Variants in HSD17B3 observed in about 807,000 individuals in gnomAD.
HSD17B3 encodes the protein 17-beta-hydroxysteroid dehydrogenase type 3.
Under a neutral mutation model 41.1 loss-of-function variants are expected in HSD17B3, and 29 were observed. The observed-to-expected ratio is 0.71, with a 90% CI of 0.53 to 0.96. The LOEUF (loss-of-function observed/expected upper bound fraction) is 0.96. Among genes scored for constraint, HSD17B3 ranks in the 40% least tolerant of loss-of-function variants. The probability of loss-of-function intolerance (pLI) is 0.00; values close to 1 mark genes in which losing one functional copy is unlikely to be tolerated. For missense variants in HSD17B3, 323 were observed against 374.6 expected, an observed-to-expected ratio of 0.86 and a Z score of 1.14; for synonymous variants, 126 against 145.6, an observed-to-expected ratio of 0.87 and a Z score of 0.97.
At chr9:96,246,993 AAC>A (rs1836692509) in intron 6 of HSD17B3, among the ~76,000 whole-genome samples, 1 of 152,182 alleles carries the variant, frequency 6.6e-6, no homozygotes. Flanking sequence ...GGGGAAACCT[AAC>A]AAGACTCTGT....
chr9:96,259,422 AT>A (rs1825780787), intron 2 of HSD17B3, among the ~76,000 whole-genome samples: 1 of 152,188 alleles, frequency 6.6e-6, no homozygotes, highest in African/African-American at 2.4e-5. Flanking sequence ...AAGGGAATAC[AT>A]TCAAAAGTGT....
intron 5 of HSD17B3, chr9:96,250,397 G>A (rs1836848871): frequency 8.4e-6 from 9 of 1,069,364 alleles, no homozygotes; most frequent in Non-Finnish European, 1.0e-5. Flanking sequence ...GAGTTCAGGA[G>A]TTTGGTGAGG....
chr9:96,251,584 C>A, intron 4 of HSD17B3, 99 bp from the exon 5 acceptor site: 2 of 1,105,850 alleles, frequency 1.8e-6, no homozygotes, highest in Non-Finnish European at 2.7e-6. Context: ...GGTTGTTCAT[C>A]GCAGCATGAT....
Position 96,301,971 on chromosome 9 carries a change from C to T in HSD17B3, c.134G>A (p.Arg45Gln), listed in dbSNP as rs537079694. The T allele has an allele frequency of 1.1e-5, 18 of 1,614,040 alleles. No individual in the cohort carries two copies. The highest frequency in any genetic ancestry group is 1.1e-4 in the South Asian group (10 of 91,068). Residue 45 changes from arginine (R) to glutamine (Q), a missense_variant, in exon 1 of 11, where the codon CGG (arginine) becomes CAG (glutamine). Transcript: ENST00000375263. ...YWKVLPKSFL[R>Q]SMGQWAVITG... Reference sequence around the variant, plus strand: ...CTTACCTGCCCACTGTCCCATTGACCGCAAGAAAGACTTTGGCAAAACTTT... The same window carrying T: ...CTTACCTGCCCACTGTCCCATTGACTGCAAGAAAGACTTTGGCAAAACTTT...
chr9:96,298,509 C>G, intron 1 of HSD17B3, 47 bp from the exon 2 acceptor site: 1 of 1,534,362 alleles, frequency 6.5e-7, no homozygotes, highest in South Asian at 1.1e-5. Context: ...CATCTTTAAA[C>G]TTCTCTTTCT....
intron 2 of HSD17B3, among the ~76,000 whole-genome samples, chr9:96,267,196 G>A (rs535104231): frequency 1.2e-4 from 18 of 147,144 alleles, no homozygotes; most frequent in Admixed American, 3.4e-4. Flanking sequence ...TTGCTCTGTC[G>A]CCCAGGCTGG....
At chr9:96,249,483 A>G (rs958190192) in intron 6 of HSD17B3, 2 of 494,690 alleles carry the variant, frequency 4.0e-6, no homozygotes, top group South Asian at 6.4e-5. Context: ...AATACGTTTC[A>G]GCATCATCGA....
chr9:96,280,133 A>C (rs924961727), intron 2 of HSD17B3, among the ~76,000 whole-genome samples: 1 of 152,166 alleles, frequency 6.6e-6, no homozygotes, highest in African/African-American at 2.4e-5. Flanking sequence ...TGAATTCCAA[A>C]GGGAGGAGGC....
chr9:96,283,931 A>C (rs1055182075), intron 2 of HSD17B3, among the ~76,000 whole-genome samples: 1 of 152,132 alleles, frequency 6.6e-6, no homozygotes, highest in African/African-American at 2.4e-5. Context: ...TGAACCAGTA[A>C]AAGTCTAAAG....
chr9:96,280,105 G>T (rs1564054288), intron 2 of HSD17B3, among the ~76,000 whole-genome samples: 1 of 152,152 alleles, frequency 6.6e-6, no homozygotes, highest in Non-Finnish European at 1.5e-5. Context: ...GTTGATATCA[G>T]CGGTGCTCAG....
At chr9:96,250,595 T>A in intron 5 of HSD17B3, 1 of 491,184 alleles carries the variant, frequency 2.0e-6, no homozygotes, top group Non-Finnish European at 2.7e-6. Flanking sequence ...CTTCAAAAAC[T>A]GTTAAATGCG....
chr9:96,287,264 C>T (rs1826959040), intron 2 of HSD17B3, among the ~76,000 whole-genome samples: 1 of 152,218 alleles, frequency 6.6e-6, no homozygotes, highest in South Asian at 2.1e-4. Flanking sequence ...CCCAGTGGTG[C>T]AGGTCAGCCT....
rs1261939522 is a variant in HSD17B3, at chr9:96,254,926, G to A, written c.219C>T (p.Leu73=). The change falls in exon 3 of 11, where the codon CTC becomes CTT. Residue 73 remains leucine, a synonymous_variant. Transcript: ENST00000375263. ...GCGTCCGGCTAATAAGGACAACATT[G>A]AGTCCACGTTTTGCTAGCTGAGAGT... The part of the protein sequence containing the change: ...AYSFELAKRG[L]NVVLISRTLE... 6.2e-7 allele frequency: 1 copy of A among 1,613,984 alleles called. No individual in the cohort carries two copies. The highest frequency in any genetic ancestry group is 8.5e-7 in the Non-Finnish European group (1 of 1,179,964).
In HSD17B3 at chr9:96,292,289, T is replaced by C. The variant is rs77367230; in HGVS notation, c.201+6127A>G. ...TCTAATATTCATGTCCATTGGAGTG[T>C]TACAAGGAGAGAAGAGGGCAGGGCT... On this transcript the variant is annotated intron_variant, in intron 2 of 10. Coordinates refer to ENST00000375263, the MANE Select transcript of HSD17B3 (RefSeq NM_000197.2). Among the ~76,000 whole-genome samples, 1,385 of 152,278 alleles carry C rather than the reference T, an allele frequency of 9.1e-3. 28 individuals carry two copies. The highest frequency in any genetic ancestry group is 0.066 in the South Asian group (318 of 4,816).
intron 10 of HSD17B3, 71 bp downstream of exon 10, chr9:96,240,687 G>T: frequency 6.7e-7 from 1 of 1,485,788 alleles, no homozygotes. Flanking sequence ...GGAAGAGCTA[G>T]CCCAGCCCTG....
In HSD17B3 at chr9:96,260,097, C is replaced by T. The variant is rs539647462; in HGVS notation, c.202-5154G>A. Among the ~76,000 whole-genome samples, 12 of 152,298 alleles carry T rather than the reference C, an allele frequency of 7.9e-5. 1 individual carries two copies. The South Asian group carries it at 2.5e-3, about 32-fold the overall frequency. On this transcript the variant is annotated intron_variant, in intron 2 of 10. Transcript: ENST00000375263. ...TCTCAGGATGCAAGCATGAGCTTTC[C>T]TGTCACTTCTGGTAGATATTCTTTA... is the stretch of plus-strand genomic sequence containing the variant.
At chr9:96,263,727 CA>C (rs1003597681) in intron 2 of HSD17B3, among the ~76,000 whole-genome samples, 4 of 150,188 alleles carry the variant, frequency 2.7e-5, no homozygotes, top group African/African-American at 7.4e-5. Flanking sequence ...AGACTCCTGT[CA>C]AAAAAAATAA....
intron 6 of HSD17B3, 76 bp downstream of exon 6, chr9:96,249,675 G>A: frequency 7.7e-7 from 1 of 1,294,490 alleles, no homozygotes; most frequent in South Asian, 1.2e-5. Context: ...TACAGTGGAT[G>A]GGCACAATTC....
At chr9:96,256,659 A>G (rs117836237) in intron 2 of HSD17B3, among the ~76,000 whole-genome samples, 47 of 152,222 alleles carry the variant, frequency 3.1e-4, no homozygotes, top group Admixed American at 4.6e-4. Context: ...TGACAGAGCA[A>G]GACTCTGTCT....
Sources: gnomAD v4.1 joint callset for allele counts (sites outside exome capture counted in the v4.1 genomes callset) on GRCh38, gnomAD v4.1.1 for gene constraint, MANE v1.5 for transcripts, NCBI Gene and HGNC (gene_info 2026-07-23, HGNC 2026-07-21) for gene names.